The following LZTS1 variants were observed in gnomAD, a reference collection of about 807,000 sequenced individuals.
LZTS1 encodes leucine zipper putative tumor suppressor 1.
A neutral mutation model predicts 45.8 loss-of-function variants in LZTS1; 31 were observed. The observed-to-expected ratio is 0.68, with a 90% CI of 0.51 to 0.91. LZTS1 has a LOEUF of 0.91. Ranked by LOEUF, LZTS1 falls within the 40% of genes least tolerant of loss-of-function variation. The pLI, the probability that LZTS1 is intolerant of heterozygous loss-of-function variation, is 0.00. For missense variants in LZTS1, 821 were observed against 788.9 expected (o/e 1.04, Z -0.49); for synonymous variants, 359 against 357.3 (o/e 1.00, Z -0.05).
intron 1 of LZTS1, among the ~76,000 whole-genome samples, chr8:20,270,522 C>T (rs1437231588): frequency 2.6e-5 from 4 of 152,046 alleles, no homozygotes; most frequent in South Asian, 2.1e-4. Flanking sequence ...AAGAGTATGG[C>T]GAAGGACAGA....
chr8:20,262,421 AGTGT>A lies in LZTS1; in HGVS notation c.-134-7110_-134-7107del, dbSNP rs1244177892. Among the ~76,000 whole-genome samples the A allele has an allele frequency of 4.6e-5, 7 of 152,132 alleles. No individual in the cohort carries two copies. In the South Asian group the frequency reaches 6.2e-4, roughly 14 times the overall value. On this transcript the variant is annotated intron_variant, in intron 1 of 3. Transcript: ENST00000381569. ...GAGAGACAGGGAGGACAGGTGTGTG[AGTGT>A]GTGTTCATGTGTGCACGTCTTTGTG...
At position 20,268,159 on chromosome 8, in the gene LZTS1, C is replaced by A. The variant is rs1478362275; in HGVS notation, c.-134-12844G>T. ...GCAGGTCCTTTAGAAGGACTCCCCA[C>A]CCCCACCCCCACCCCCACCCCCACT... On this transcript the variant is annotated intron_variant, in intron 1 of 3. Coordinates refer to ENST00000381569, the MANE Select transcript of LZTS1 (RefSeq NM_021020.5). Among the ~76,000 whole-genome samples the A allele has an allele frequency of 1.4e-3, 162 of 117,400 alleles. 4 individuals carry two copies. The highest frequency in any genetic ancestry group is 5.7e-3 in the African/African-American group (159 of 27,844). 77.0% of individuals were successfully genotyped at this position (117,400 alleles called of 152,430 possible).
chr8:20,276,480 T>C (rs1332615865), intron 1 of LZTS1, among the ~76,000 whole-genome samples: 1 of 152,208 alleles, frequency 6.6e-6, no homozygotes, highest in Admixed American at 6.5e-5. Flanking sequence ...TTCTGGATAG[T>C]TGAACACCTG....
At chr8:20,302,147 A>G (rs1432805262) in intron 1 of LZTS1, among the ~76,000 whole-genome samples, 1 of 152,150 alleles carries the variant, frequency 6.6e-6, no homozygotes, top group Non-Finnish European at 1.5e-5. Flanking sequence ...ACTGGCAGGC[A>G]CAGAGAGCCC....
chr8:20,248,027 A>G lies in LZTS1; in HGVS notation c.*1695T>C, dbSNP rs1799782153. 1 of 152,596 alleles carries G rather than the reference A, an allele frequency of 6.6e-6. No individual in the cohort carries two copies. Among genetic ancestry groups the G allele is most frequent in the Non-Finnish European group, 1.5e-5 (1 of 68,092 alleles). The allele number at this position is 152,596 out of a possible 1,614,324, so 9.5% of individuals were successfully genotyped here. ...AAAAAGAAAAAGAAAGAAGAATAAA[A>G]GAAAAATCTGGCCAGGCACGGTGGC... On this transcript the variant is annotated 3_prime_UTR_variant, in exon 4 of 4. Coordinates refer to ENST00000381569, the MANE Select transcript of LZTS1 (RefSeq NM_021020.5).
intron 1 of LZTS1, among the ~76,000 whole-genome samples, chr8:20,298,390 T>A (rs10111188): frequency 0.47 from 71,368 of 152,118 alleles, 18,032 homozygotes; most frequent in Non-Finnish European, 0.56. Flanking sequence ...GCGCACTTGG[T>A]TTCCTCATCT....
chr8:20,252,870 TTCA>T lies in LZTS1; in HGVS notation c.1058_1060del (p.Met353del), dbSNP rs758373074. 1.2e-6 allele frequency: 2 copies of T among 1,611,268 alleles called. No individual in the cohort carries two copies. The highest frequency in any genetic ancestry group is 1.7e-6 in the Non-Finnish European group (2 of 1,178,850). On this transcript the variant is annotated inframe_deletion, in exon 3 of 4. Coordinates refer to ENST00000381569, the MANE Select transcript of LZTS1 (RefSeq NM_021020.5). The stretch of plus-strand genomic sequence containing the variant: ...CTTGGTCTCCAGCAGGTCCTGCTCC[TTCA>T]TGAGGCTCTCGAGCTCCTGCCGGAG...
In LZTS1 at chr8:20,283,026, A is replaced by T. The variant is rs533824247; in HGVS notation, c.-135+20714T>A. On this transcript the variant is annotated intron_variant, in intron 1 of 3. Coordinates refer to ENST00000381569, the MANE Select transcript of LZTS1 (RefSeq NM_021020.5). ...CACCATGGAGCATCCCTGGGGGCTC[A>T]GAAGTGGGATGGATAGAGCCTGACT... 3.3e-5 allele frequency among the ~76,000 whole-genome samples: 5 copies of T among 152,316 alleles called. No individual in the cohort carries two copies. In the South Asian group the frequency reaches 1.0e-3, roughly 32 times the overall value.
At chr8:20,270,175 G>A (rs1800443873) in intron 1 of LZTS1, among the ~76,000 whole-genome samples, 1 of 152,282 alleles carries the variant, frequency 6.6e-6, no homozygotes, top group Admixed American at 6.5e-5. Context: ...ACAGAGCGTA[G>A]GTGGCATGTC....
intron 1 of LZTS1, among the ~76,000 whole-genome samples, chr8:20,274,392 C>T (rs995058235): frequency 6.6e-6 from 1 of 152,160 alleles, no homozygotes; most frequent in Non-Finnish European, 1.5e-5. Flanking sequence ...CATCCCTTCT[C>T]CTCATCCTAG....
intron 1 of LZTS1, among the ~76,000 whole-genome samples, chr8:20,300,088 G>T (rs1801049056): frequency 6.6e-6 from 1 of 152,100 alleles, no homozygotes; most frequent in African/African-American, 2.4e-5. Flanking sequence ...TGTTCCCTCG[G>T]ACTCCCGAAC....
intron 1 of LZTS1, among the ~76,000 whole-genome samples, chr8:20,300,703 G>A (rs1174952281): frequency 6.6e-6 from 1 of 152,124 alleles, no homozygotes; most frequent in Non-Finnish European, 1.5e-5. Flanking sequence ...GACTCCTCAG[G>A]AGCCAGTGAG....
At chr8:20,291,230 C>T (rs1585302915) in intron 1 of LZTS1, among the ~76,000 whole-genome samples, 1 of 152,298 alleles carries the variant, frequency 6.6e-6, no homozygotes, top group South Asian at 2.1e-4. Flanking sequence ...CCAGTTAAAC[C>T]GTCTCCCTTT....
chr8:20,284,148 T>C (rs868276419), intron 1 of LZTS1, among the ~76,000 whole-genome samples: 7 of 152,176 alleles, frequency 4.6e-5, no homozygotes, highest in African/African-American at 1.7e-4. Flanking sequence ...CATCTCCCCA[T>C]GGGCAGCTTC....
At chr8:20,269,637 C>T (rs1800434398) in intron 1 of LZTS1, among the ~76,000 whole-genome samples, 1 of 152,174 alleles carries the variant, frequency 6.6e-6, no homozygotes, top group Non-Finnish European at 1.5e-5. Context: ...GGAAACTGAG[C>T]GATGGCATGC....
intron 1 of LZTS1, among the ~76,000 whole-genome samples, chr8:20,285,416 A>C (rs1800776366): frequency 6.6e-6 from 1 of 152,212 alleles, no homozygotes; most frequent in South Asian, 2.1e-4. Flanking sequence ...ATTAATATAC[A>C]AAAACCAACT....
At chr8:20,268,531 T>G (rs1293554802) in intron 1 of LZTS1, among the ~76,000 whole-genome samples, 2 of 150,032 alleles carry the variant, frequency 1.3e-5, no homozygotes, top group African/African-American at 4.9e-5. Flanking sequence ...GGAAAGGGGT[T>G]GGGGGCCAGG....
intron 1 of LZTS1, among the ~76,000 whole-genome samples, chr8:20,280,435 T>C (rs1800664999): frequency 6.6e-6 from 1 of 152,168 alleles, no homozygotes; most frequent in Non-Finnish European, 1.5e-5. Flanking sequence ...AACTTGCTCA[T>C]TCACTGTACC....
intron 1 of LZTS1, among the ~76,000 whole-genome samples, chr8:20,279,578 T>G (rs1029166782): frequency 2.0e-5 from 3 of 149,272 alleles, no homozygotes; most frequent in Non-Finnish European, 3.0e-5. Context: ...GCCATGCACC[T>G]GAAGTCCCAG....
Sources: gnomAD v4.1 joint callset for allele counts (sites outside exome capture counted in the v4.1 genomes callset) on GRCh38, gnomAD v4.1.1 for gene constraint, MANE v1.5 for transcripts, NCBI Gene and HGNC (gene_info 2026-07-23, HGNC 2026-07-21) for gene names.